The following FAM13A variants were observed in gnomAD, a reference collection of about 807,000 sequenced individuals.
The protein encoded by FAM13A is protein FAM13A.
Under a neutral mutation model 129.6 loss-of-function variants are expected in FAM13A, and 76 were observed. That is an observed-to-expected ratio of 0.59 (90% CI 0.49 to 0.71). The LOEUF (loss-of-function observed/expected upper bound fraction) is 0.71. FAM13A is among the 30% of genes least tolerant of loss of function. The probability of loss-of-function intolerance (pLI) is 0.00; values close to 1 mark genes in which losing one functional copy is unlikely to be tolerated. For synonymous variants in FAM13A, 443 were observed against 449.9 expected (o/e 0.98, Z 0.20); for missense variants, 1,108 against 1,249.3 (o/e 0.89, Z 1.70).
At chr4:88,859,075 A>T (rs1739039483) in intron 6 of FAM13A, among the ~76,000 whole-genome samples, 5 of 152,174 alleles carry the variant, frequency 3.3e-5, no homozygotes, top group African/African-American at 9.7e-5. Flanking sequence ...GAGCTTAAAT[A>T]GTTCTTTTTT....
At chr4:88,891,064 A>C (rs1745226778) in intron 6 of FAM13A, among the ~76,000 whole-genome samples, 1 of 152,214 alleles carries the variant, frequency 6.6e-6, no homozygotes, top group Non-Finnish European at 1.5e-5. Context: ...AAGTTTTATC[A>C]GTACGTTCTA....
chr4:88,759,319 C>G (rs747766701), intron 13 of FAM13A: 31 of 158,618 alleles, frequency 2.0e-4, no homozygotes, highest in Non-Finnish European at 3.5e-4. Context: ...CTTCTTTGCC[C>G]CTTAGGTAAA....
rs1229556845 is a variant in FAM13A at position 88,787,752 on chromosome 4, C to T, written c.1271+1G>A. On this transcript the variant is annotated splice_donor_variant, in intron 10 of 23. Transcript: ENST00000264344. LOFTEE classifies it high-confidence loss of function. The stretch of plus-strand genomic sequence containing the variant: ...AAGAGGAAGAATCAATGCCAACTCA[C>T]TTGTCTCTCCCATGTCGAACTTCAT... 1 of 1,610,488 alleles carries T rather than the reference C, an allele frequency of 6.2e-7. No homozygotes were observed.
chr4:89,022,643 C>T (rs1009686963), intron 2 of FAM13A, among the ~76,000 whole-genome samples: 1 of 152,092 alleles, frequency 6.6e-6, no homozygotes, highest in African/African-American at 2.4e-5. Flanking sequence ...GAGTGTGGGC[C>T]GGACCTAGTG....
At chr4:88,832,273 C>G (rs1284119676) in intron 7 of FAM13A, among the ~76,000 whole-genome samples, 1 of 152,148 alleles carries the variant, frequency 6.6e-6, no homozygotes, top group Non-Finnish European at 1.5e-5. Context: ...AAACCCAAAA[C>G]TATAAAATCC....
chr4:88,877,669 T>C (rs529258296), intron 6 of FAM13A, among the ~76,000 whole-genome samples: 17 of 152,356 alleles, frequency 1.1e-4, no homozygotes, highest in Non-Finnish European at 1.8e-4. Context: ...TTTTTGGTTT[T>C]TGCTTTGTTG....
chr4:88,740,919 A>G (rs1341154419), intron 19 of FAM13A, among the ~76,000 whole-genome samples: 1 of 152,234 alleles, frequency 6.6e-6, no homozygotes, highest in African/African-American at 2.4e-5. Flanking sequence ...AATGACTGTC[A>G]AAACTAGAAG....
At chr4:88,745,120 T>C (rs1325403309) in intron 19 of FAM13A, among the ~76,000 whole-genome samples, 1 of 152,148 alleles carries the variant, frequency 6.6e-6, no homozygotes, top group African/African-American at 2.4e-5. Flanking sequence ...CCCACCCCAC[T>C]TCCTCAGTGA....
At chr4:89,003,849 T>C (rs1286714193) in intron 3 of FAM13A, among the ~76,000 whole-genome samples, 1 of 152,112 alleles carries the variant, frequency 6.6e-6, no homozygotes, top group African/African-American at 2.4e-5. Flanking sequence ...TGATGAGATA[T>C]CTGAAAGTGA....
At chr4:88,892,981 A>T (rs1745622338) in intron 6 of FAM13A, among the ~76,000 whole-genome samples, 1 of 152,226 alleles carries the variant, frequency 6.6e-6, no homozygotes, top group South Asian at 2.1e-4. Flanking sequence ...TTGAATACAT[A>T]CAACTGATAA....
At chr4:88,848,937 C>T (rs1161611565) in intron 7 of FAM13A, among the ~76,000 whole-genome samples, 1 of 152,206 alleles carries the variant, frequency 6.6e-6, no homozygotes, top group African/African-American at 2.4e-5. Context: ...CCTCACTGCC[C>T]TGAACGTCCT....
At chr4:88,776,321 G>T (rs1022407873) in intron 11 of FAM13A, among the ~76,000 whole-genome samples, 1 of 152,080 alleles carries the variant, frequency 6.6e-6, no homozygotes, top group Non-Finnish European at 1.5e-5. Flanking sequence ...TTGAAGGGCG[G>T]TACAGTGGAA....
intron 4 of FAM13A, among the ~76,000 whole-genome samples, chr4:88,950,252 G>A (rs1756724015): frequency 1.3e-5 from 2 of 151,108 alleles, no homozygotes; most frequent in African/African-American, 4.9e-5. Flanking sequence ...ATGTTGCCCA[G>A]GCTGGAGTGG....
intron 8 of FAM13A, 110 bp downstream of exon 8, chr4:88,804,901 C>T (rs1728251220): frequency 1.9e-5 from 13 of 690,474 alleles, no homozygotes; most frequent in Middle Eastern, 2.4e-4. Flanking sequence ...GTTAGTCTGG[C>T]CACAGTAATG....
intron 7 of FAM13A, among the ~76,000 whole-genome samples, chr4:88,849,908 T>C (rs1269480692): frequency 6.6e-6 from 1 of 152,164 alleles, no homozygotes; most frequent in African/African-American, 2.4e-5. Context: ...ATTTCCAAAA[T>C]ACCTGTTATA....
At chr4:88,974,527 G>C (rs1258194427) in intron 4 of FAM13A, among the ~76,000 whole-genome samples, 1 of 152,098 alleles carries the variant, frequency 6.6e-6, no homozygotes, top group East Asian at 1.9e-4. Context: ...GCCCAGGCTG[G>C]AGTGTAATGG....
intron 3 of FAM13A, among the ~76,000 whole-genome samples, chr4:89,004,873 G>T (rs890612448): frequency 4.6e-5 from 7 of 152,012 alleles, no homozygotes; most frequent in Non-Finnish European, 7.4e-5. Flanking sequence ...ATCTCTGAAA[G>T]TTGATCTCTG....
intron 7 of FAM13A, among the ~76,000 whole-genome samples, chr4:88,814,000 A>C (rs1428636054): frequency 6.6e-6 from 1 of 152,174 alleles, no homozygotes; most frequent in Non-Finnish European, 1.5e-5. Flanking sequence ...GAAACCTGAA[A>C]TTTGATTATT....
intron 5 of FAM13A, among the ~76,000 whole-genome samples, chr4:88,922,229 C>T (rs1351080511): frequency 1.3e-5 from 2 of 152,052 alleles, no homozygotes; most frequent in Non-Finnish European, 2.9e-5. Flanking sequence ...ACTCTCCACC[C>T]CACATCAGCA....
Sources: gnomAD v4.1 joint callset for allele counts (sites outside exome capture counted in the v4.1 genomes callset) on GRCh38, gnomAD v4.1.1 for gene constraint, MANE v1.5 for transcripts, NCBI Gene and HGNC (gene_info 2026-07-23, HGNC 2026-07-21) for gene names.